Variants in ZDHHC14 observed in about 807,000 individuals in gnomAD.
ZDHHC14 encodes palmitoyltransferase ZDHHC14.
ZDHHC14 carries 16 observed loss-of-function variants against 47.7 expected under a neutral mutation model. That is an observed-to-expected ratio of 0.34 (90% CI 0.23 to 0.51). The LOEUF is 0.51. Ranked by LOEUF, ZDHHC14 falls within the 20% of genes least tolerant of loss-of-function variation. The pLI is 0.97. For missense variants in ZDHHC14, 515 were observed against 662.5 expected, an observed-to-expected ratio of 0.78 and a Z score of 2.44; for synonymous variants, 293 against 278.9, an observed-to-expected ratio of 1.05 and a Z score of -0.50.
At chr6:157,517,759 C>T (rs1045520877) in intron 1 of ZDHHC14, among the ~76,000 whole-genome samples, 1 of 152,260 alleles carries the variant, frequency 6.6e-6, no homozygotes, top group Non-Finnish European at 1.5e-5. Flanking sequence ...GCCTCGCCCT[C>T]ACGGCCGCCT....
chr6:157,434,359 G>A (rs993641647), intron 1 of ZDHHC14, among the ~76,000 whole-genome samples: 1 of 151,910 alleles, frequency 6.6e-6, no homozygotes, highest in African/African-American at 2.4e-5. Context: ...CCAGCCGGCC[G>A]AGAACACCCT....
Position 157,645,791 on chromosome 6 carries a change from A to C in ZDHHC14, c.807A>C (p.Ser269=). 6.2e-7 allele frequency: 1 copy of C among 1,614,124 alleles called. No homozygotes were observed. Among genetic ancestry groups the C allele is most frequent in the Admixed American group, 1.7e-5 (1 of 60,018 alleles). ...FFSVWSIVGL[S]GFHTYLISSN... Reference sequence around the variant, plus strand: ...CTGTCTGGTCCATCGTTGGCCTCTCAGGATTCCACACCTACTTGATCAGCT... The same window carrying C: ...CTGTCTGGTCCATCGTTGGCCTCTCCGGATTCCACACCTACTTGATCAGCT... Residue 269 remains serine (S), a synonymous_variant, in exon 6 of 9, where the codon TCA becomes TCC. Coordinates refer to ENST00000359775, the MANE Select transcript of ZDHHC14 (RefSeq NM_024630.3).
chr6:157,498,302 G>A (rs1458931519), intron 1 of ZDHHC14, among the ~76,000 whole-genome samples: 1 of 152,052 alleles, frequency 6.6e-6, no homozygotes, highest in Non-Finnish European at 1.5e-5. Flanking sequence ...GAAGTGAGAG[G>A]CAGATGTAGA....
chr6:157,556,253 G>C (rs1337731504), intron 2 of ZDHHC14, among the ~76,000 whole-genome samples: 1 of 151,962 alleles, frequency 6.6e-6, no homozygotes, highest in Non-Finnish European at 1.5e-5. Flanking sequence ...GGACAGGGGT[G>C]GGGGGTGGAG....
rs150722672 is a variant in ZDHHC14 at position 157,582,791 on chromosome 6, G to A, written c.407-10197G>A. 3.4e-3 allele frequency among the ~76,000 whole-genome samples: 517 copies of A among 152,302 alleles called. 2 individuals are homozygous for A. Among genetic ancestry groups the A allele is most frequent in the African/African-American group, 0.011 (476 of 41,566 alleles). ...TGTCAGCCTCTCTAGCAAGGTTGAG[G>A]AAGTTTTCATGTGTAATATCCTGAA... On this transcript the variant is annotated intron_variant, in intron 2 of 8. Transcript: ENST00000359775. The surrounding 1 kb of genome is among the most constrained non-coding windows in gnomAD (Gnocchi z 4.3).
intron 1 of ZDHHC14, among the ~76,000 whole-genome samples, chr6:157,531,165 A>G (rs1386393896): frequency 6.6e-6 from 1 of 152,040 alleles, no homozygotes; most frequent in Non-Finnish European, 1.5e-5. Flanking sequence ...GTGGACCCAG[A>G]TGTCCCGGGT....
At chr6:157,597,385 C>T (rs948404178) in intron 3 of ZDHHC14, among the ~76,000 whole-genome samples, 1 of 152,310 alleles carries the variant, frequency 6.6e-6, no homozygotes, top group East Asian at 1.9e-4. Flanking sequence ...TTTGGTGGGC[C>T]CTAGTCCAGC....
intron 1 of ZDHHC14, among the ~76,000 whole-genome samples, chr6:157,468,754 A>G (rs1198129508): frequency 6.6e-6 from 1 of 152,238 alleles, no homozygotes; most frequent in Non-Finnish European, 1.5e-5. Context: ...CAACAGCAGT[A>G]GGAGTAATTT....
Position 157,673,407 on chromosome 6 carries a change from T to C in ZDHHC14, c.*285T>C. On this transcript the variant is annotated 3_prime_UTR_variant, in exon 9 of 9. Transcript: ENST00000359775. The surrounding 1 kb of genome is among the most constrained non-coding windows in gnomAD (Gnocchi z 5.4). Reference sequence around the variant, plus strand: ...TGACCCTCCAGGGGTGGAATCGGAGTGTGTCTGCCCGCCCTTGTGACAGAC... The same window carrying C: ...TGACCCTCCAGGGGTGGAATCGGAGCGTGTCTGCCCGCCCTTGTGACAGAC... 1 of 483,764 alleles carries C rather than the reference T, an allele frequency of 2.1e-6. No homozygotes were observed. Among genetic ancestry groups the C allele is most frequent in the Non-Finnish European group, 3.6e-6 (1 of 278,994 alleles). 30.0% of individuals were successfully genotyped at this position (483,764 alleles called of 1,614,324 possible). A position where few individuals can be genotyped will look rare whatever the true frequency, so the allele number is the denominator to read the frequency against.
At chr6:157,592,485 G>A (rs568148298) in intron 2 of ZDHHC14, among the ~76,000 whole-genome samples, 16 of 152,286 alleles carry the variant, frequency 1.1e-4, no homozygotes, top group African/African-American at 2.2e-4. Context: ...CCAGGAGAGC[G>A]AATTAGGGTG....
At chr6:157,542,533 T>C (rs1781804241) in intron 1 of ZDHHC14, 52 bp from the exon 2 acceptor site, 1 of 1,586,504 alleles carries the variant, frequency 6.3e-7, no homozygotes, top group Non-Finnish European at 8.6e-7. Flanking sequence ...ATTCCTAACA[T>C]TGTATTTCCT....
At chr6:157,514,140 C>G (rs143637456) in intron 1 of ZDHHC14, among the ~76,000 whole-genome samples, 1,690 of 152,242 alleles carry the variant, frequency 0.011, 21 homozygotes, top group Non-Finnish European at 0.015. Flanking sequence ...AATGTAGGTT[C>G]AGAGATTAAA....
intron 1 of ZDHHC14, among the ~76,000 whole-genome samples, chr6:157,517,912 A>T (rs1257577469): frequency 2.0e-5 from 3 of 152,186 alleles, no homozygotes; most frequent in Non-Finnish European, 4.4e-5. Context: ...TGTGATCTGT[A>T]TCAAAGCCCC....
intron 3 of ZDHHC14, among the ~76,000 whole-genome samples, chr6:157,625,845 T>C (rs1000414512): frequency 1.3e-5 from 2 of 152,036 alleles, no homozygotes; most frequent in African/African-American, 4.8e-5. Flanking sequence ...AAGTTTTCAA[T>C]ACAAGTTTCT....
intron 1 of ZDHHC14, among the ~76,000 whole-genome samples, chr6:157,539,961 A>T (rs1301333286): frequency 6.6e-6 from 1 of 152,222 alleles, no homozygotes; most frequent in Non-Finnish European, 1.5e-5. Flanking sequence ...CCTGCCTGAG[A>T]TTTCCTGCGG....
intron 1 of ZDHHC14, among the ~76,000 whole-genome samples, chr6:157,396,542 C>G (rs1229173464): frequency 6.6e-6 from 1 of 152,196 alleles, no homozygotes; most frequent in Non-Finnish European, 1.5e-5. Flanking sequence ...CTCACACTTA[C>G]AAACTTGATG....
At chr6:157,590,328 A>G (rs564362057) in intron 2 of ZDHHC14, among the ~76,000 whole-genome samples, 2 of 152,296 alleles carry the variant, frequency 1.3e-5, no homozygotes, top group South Asian at 4.2e-4. Context: ...CCCTCCCATC[A>G]CAGGCCCAGA....
At chr6:157,471,370 C>G (rs374860883) in intron 1 of ZDHHC14, among the ~76,000 whole-genome samples, 1 of 152,196 alleles carries the variant, frequency 6.6e-6, no homozygotes, top group African/African-American at 2.4e-5. Context: ...CACATTTTCC[C>G]GATGATTTCT....
chr6:157,563,718 G>T (rs1244490193), intron 2 of ZDHHC14, among the ~76,000 whole-genome samples: 2 of 152,240 alleles, frequency 1.3e-5, no homozygotes, highest in Admixed American at 6.5e-5. Flanking sequence ...ACAAGTCACG[G>T]ATTGCAGATG....
Sources: allele counts gnomAD v4.1 joint callset (sites outside exome capture counted in the v4.1 genomes callset), GRCh38; gene constraint gnomAD v4.1.1; non-coding constraint Gnocchi (gnomAD v3.1); transcripts MANE v1.5; gene names NCBI Gene and HGNC (gene_info 2026-07-23, HGNC 2026-07-21).